RBFOX1: variants seen among roughly 807,000 people sequenced by gnomAD.
RBFOX1 encodes RNA binding protein fox-1 homolog 1.
A neutral mutation model predicts 57.7 loss-of-function variants in RBFOX1; 8 were observed. The ratio of observed to expected loss-of-function variants is 0.14; its 90% CI spans 0.08 to 0.25. RBFOX1 has a LOEUF of 0.25. Ranked by LOEUF, RBFOX1 falls within the 10% of genes least tolerant of loss-of-function variation. RBFOX1 has a pLI of 1.00. For synonymous variants in RBFOX1, 326 were observed against 222.4 expected, an observed-to-expected ratio of 1.47 and a Z score of -4.15; for missense variants, 611 against 548.5, an observed-to-expected ratio of 1.11 and a Z score of -1.14.
At chr16:6,139,415 G>A (rs2096695506) in intron 1 of RBFOX1, among the ~76,000 whole-genome samples, 1 of 152,156 alleles carries the variant, frequency 6.6e-6, no homozygotes, top group Non-Finnish European at 1.5e-5. Flanking sequence ...GATGTTCCAG[G>A]AGACTTTTGA....
At chr16:7,337,421 C>G (rs777547787) in intron 4 of RBFOX1, among the ~76,000 whole-genome samples, 1 of 152,104 alleles carries the variant, frequency 6.6e-6, no homozygotes, top group Non-Finnish European at 1.5e-5. Flanking sequence ...TTTAGTAGAG[C>G]AGAGAACTTG....
chr16:6,656,599 G>C (rs868647934), intron 3 of RBFOX1, among the ~76,000 whole-genome samples: 3 of 146,312 alleles, frequency 2.1e-5, no homozygotes, highest in South Asian at 2.2e-4. Flanking sequence ...GGGGAAAATA[G>C]ACACACACAC....
At chr16:7,521,952 G>A (rs113466255) in intron 5 of RBFOX1, among the ~76,000 whole-genome samples, 3 of 152,222 alleles carry the variant, frequency 2.0e-5, no homozygotes, top group African/African-American at 7.2e-5. Flanking sequence ...GCAAGTTCAG[G>A]CTCCAGTCAC....
chr16:6,102,687 A>G (rs114905549), intron 1 of RBFOX1, among the ~76,000 whole-genome samples: 2,380 of 152,236 alleles, frequency 0.016, 68 homozygotes, highest in African/African-American at 0.054. Flanking sequence ...AATTTTATAG[A>G]ACGGTTATTG....
At chr16:5,373,158 C>G (rs1462146105) in intron 1 of RBFOX1, among the ~76,000 whole-genome samples, 4 of 152,210 alleles carry the variant, frequency 2.6e-5, no homozygotes, top group Admixed American at 2.6e-4. Context: ...AACCATGGCC[C>G]ATTGAGACAC....
intron 1 of RBFOX1, among the ~76,000 whole-genome samples, chr16:6,281,496 C>T (rs922522376): frequency 1.3e-5 from 2 of 151,960 alleles, no homozygotes; most frequent in African/African-American, 2.4e-5. Context: ...CAGCTTCCAC[C>T]GAGGGTGTGG....
At chr16:5,469,445 T>C (rs1437626804) in intron 2 of RBFOX1, among the ~76,000 whole-genome samples, 1 of 152,210 alleles carries the variant, frequency 6.6e-6, no homozygotes, top group Non-Finnish European at 1.5e-5. Context: ...CGTGCATTCA[T>C]TGCTTCTGTC....
chr16:5,522,604 C>T (rs1258481538), intron 2 of RBFOX1, among the ~76,000 whole-genome samples: 1 of 152,182 alleles, frequency 6.6e-6, no homozygotes, highest in Non-Finnish European at 1.5e-5. Context: ...TAACTATAGT[C>T]ACTCTACTCT....
intron 1 of RBFOX1, among the ~76,000 whole-genome samples, chr16:6,034,816 C>T (rs2095343472): frequency 1.3e-5 from 2 of 152,092 alleles, no homozygotes; most frequent in South Asian, 2.1e-4. Context: ...AGACCCTGCT[C>T]TCATCCTGTT....
At chr16:7,539,132 T>C (rs1434208513) in intron 5 of RBFOX1, among the ~76,000 whole-genome samples, 2 of 152,172 alleles carry the variant, frequency 1.3e-5, no homozygotes, top group African/African-American at 4.8e-5. Flanking sequence ...AGACTCCACC[T>C]TTGACTAGGA....
At chr16:5,307,039 T>C (rs1295298491) in intron 1 of RBFOX1, among the ~76,000 whole-genome samples, 1 of 152,024 alleles carries the variant, frequency 6.6e-6, no homozygotes, top group Non-Finnish European at 1.5e-5. Flanking sequence ...CTATTTTCAC[T>C]TCAACTTAAG....
intron 1 of RBFOX1, among the ~76,000 whole-genome samples, chr16:5,279,146 T>C (rs1346751587): frequency 6.6e-6 from 1 of 152,156 alleles, no homozygotes; most frequent in Non-Finnish European, 1.5e-5. Context: ...ATAGGGATTA[T>C]ACTGAATCTC....
intron 3 of RBFOX1, among the ~76,000 whole-genome samples, chr16:6,757,870 T>C (rs763757546): frequency 9.2e-5 from 14 of 152,194 alleles, no homozygotes; most frequent in African/African-American, 1.2e-4. Context: ...TCATAACACA[T>C]TGTGTGCATG....
chr16:5,541,679 C>G (rs2044959002), intron 2 of RBFOX1, among the ~76,000 whole-genome samples: 1 of 152,164 alleles, frequency 6.6e-6, no homozygotes, highest in South Asian at 2.1e-4. Context: ...TTCCCTTTAG[C>G]TTAGTGATTT....
At position 6,351,851 on chromosome 16, in the gene RBFOX1, G is replaced by A. The variant is rs117364361; in HGVS notation, c.-64+34794G>A. Among the ~76,000 whole-genome samples the A allele has an allele frequency of 1.3e-3, 196 of 152,236 alleles. 2 individuals are homozygous for A. The East Asian group carries it at 0.014, about 11-fold the overall frequency. ...ACGTAAAATGTTGGGTGCTTTGCACGTCTGACCTCATTTATTTTACAACCT... is the reference window on the plus strand; with the variant it reads ...ACGTAAAATGTTGGGTGCTTTGCACATCTGACCTCATTTATTTTACAACCT... On this transcript the variant is annotated intron_variant, in intron 2 of 15. Coordinates refer to ENST00000550418, the MANE Select transcript of RBFOX1 (RefSeq NM_018723.4).
At chr16:5,450,782 G>A (rs755116720) in intron 1 of RBFOX1, among the ~76,000 whole-genome samples, 3 of 152,184 alleles carry the variant, frequency 2.0e-5, no homozygotes, top group Non-Finnish European at 4.4e-5. Flanking sequence ...GTGACTTTGG[G>A]TAGCCTCGTC....
At chr16:7,078,164 A>G (rs781633657) in intron 4 of RBFOX1, among the ~76,000 whole-genome samples, 4 of 152,096 alleles carry the variant, frequency 2.6e-5, no homozygotes, top group Non-Finnish European at 4.4e-5. Context: ...CTGGATTTCA[A>G]AAGTCATCGT....
At chr16:6,133,905 C>T (rs1389823507) in intron 1 of RBFOX1, among the ~76,000 whole-genome samples, 1 of 151,876 alleles carries the variant, frequency 6.6e-6, no homozygotes, top group African/African-American at 2.4e-5. Flanking sequence ...AATTAGGGGA[C>T]ATTCCTCTTT....
chr16:7,186,802 C>G (rs867042885), intron 4 of RBFOX1, among the ~76,000 whole-genome samples: 1 of 150,892 alleles, frequency 6.6e-6, no homozygotes, highest in Admixed American at 6.6e-5. Context: ...CATCAAGTAT[C>G]CAGTCTGTAT....
Sources: allele counts gnomAD v4.1 joint callset (sites outside exome capture counted in the v4.1 genomes callset), GRCh38; gene constraint gnomAD v4.1.1; transcripts MANE v1.5; gene names NCBI Gene and HGNC (gene_info 2026-07-23, HGNC 2026-07-21).